ANP32B: variants seen among roughly 807,000 people sequenced by gnomAD.
The protein encoded by ANP32B is acidic leucine-rich nuclear phosphoprotein 32 family member B.
In ANP32B, 6 loss-of-function variants were observed where a neutral mutation model predicts 32.2. The ratio of observed to expected loss-of-function variants is 0.19; its 90% CI spans 0.10 to 0.37. The LOEUF is 0.37. Ranked by LOEUF, ANP32B falls within the 10% of genes least tolerant of loss-of-function variation. The pLI, the probability that ANP32B is intolerant of heterozygous loss-of-function variation, is 1.00. For synonymous variants in ANP32B, 98 were observed against 105.8 expected (o/e 0.93, Z 0.45); for missense variants, 204 against 289.2 (o/e 0.71, Z 2.14).
intron 1 of ANP32B, among the ~76,000 whole-genome samples, 163 bp downstream of exon 1, chr9:97,983,772 G>C (rs1438021778): frequency 6.6e-6 from 1 of 151,650 alleles, no homozygotes; most frequent in African/African-American, 2.4e-5. Context: ...GGGAGCGAGC[G>C]CGCGAGGATT....
chr9:98,013,281 C>T (rs1828218871), intron 6 of ANP32B, among the ~76,000 whole-genome samples: 1 of 152,194 alleles, frequency 6.6e-6, no homozygotes, highest in Non-Finnish European at 1.5e-5. Flanking sequence ...CCCACCTCGG[C>T]CTCCCAAATT....
intron 4 of ANP32B, among the ~76,000 whole-genome samples, chr9:98,006,428 T>C (rs1007327251): frequency 1.3e-5 from 2 of 149,332 alleles, no homozygotes; most frequent in Non-Finnish European, 2.9e-5. Flanking sequence ...CACTGCGTAT[T>C]TGTCTCAGTC....
At chr9:98,006,762 G>A (rs749228806) in intron 4 of ANP32B, among the ~76,000 whole-genome samples, 5 of 152,154 alleles carry the variant, frequency 3.3e-5, no homozygotes, top group African/African-American at 4.8e-5. Flanking sequence ...AGAGGCCGAG[G>A]TAGATCACCT....
At chr9:97,987,858 C>T (rs2131580506) in intron 1 of ANP32B, among the ~76,000 whole-genome samples, 1 of 152,206 alleles carries the variant, frequency 6.6e-6, no homozygotes, top group South Asian at 2.1e-4. Context: ...GTTGTGTCTA[C>T]TGTGATGTAA....
chr9:97,983,535 AAG>A lies in ANP32B; in HGVS notation c.-18_-17del. On this transcript the variant is annotated 5_prime_UTR_variant, in exon 1 of 7. Coordinates refer to ENST00000339399, the MANE Select transcript of ANP32B (RefSeq NM_006401.3). Reference sequence around the variant, plus strand: ...CCCCCGCCGCGGAAAGTTAAGTTTGAAGAGGGGGGAAGAGGGGAACATGGACA... The same window carrying A: ...CCCCCGCCGCGGAAAGTTAAGTTTGAAGGGGGGAAGAGGGGAACATGGACA... 1 of 1,560,942 alleles carries A rather than the reference AAG, an allele frequency of 6.4e-7. No individual in the cohort carries two copies. The highest frequency in any genetic ancestry group is 8.7e-7 in the Non-Finnish European group (1 of 1,153,868).
In ANP32B at chr9:97,983,504, C is replaced by G. The variant is rs560762108; in HGVS notation, c.-52C>G. The G allele has an allele frequency of 8.2e-5, 123 of 1,494,208 alleles. No individual in the cohort carries two copies. Among genetic ancestry groups the G allele is most frequent in the Middle Eastern group, 2.2e-4 (1 of 4,556 alleles). 92.6% of individuals were successfully genotyped at this position (1,494,208 alleles called of 1,614,324 possible). On this transcript the variant is annotated 5_prime_UTR_variant, in exon 1 of 7. Transcript: ENST00000339399. ...TGCGCAAGCCGGGACGCCTCTCCCC[C>G]CTCCGCCCCCGCCGCGGAAAGTTAA...
intron 4 of ANP32B, among the ~76,000 whole-genome samples, chr9:98,008,620 A>G (rs763990531): frequency 7.2e-5 from 11 of 152,154 alleles, no homozygotes; most frequent in Non-Finnish European, 1.3e-4. Flanking sequence ...CCAATATCCT[A>G]TCTTTGTGAA....
intron 6 of ANP32B, among the ~76,000 whole-genome samples, chr9:98,015,162 T>C (rs949578847): frequency 2.0e-5 from 3 of 152,130 alleles, no homozygotes; most frequent in African/African-American, 7.2e-5. Context: ...CCTGGGTGAG[T>C]TGAGGTGCTG....
rs1554723938 is a variant in ANP32B, at chr9:97,994,609, C to CG, written c.55-22_55-21insG. On this transcript the variant is annotated intron_variant, in intron 1 of 6. Coordinates refer to ENST00000339399, the MANE Select transcript of ANP32B (RefSeq NM_006401.3). ...TTCAATGTGTTTTTGAGAGCTTATC[C>CG]TTTTTTCTTTGTCATCCACAGGTTC... 8.2e-6 allele frequency: 13 copies of CG among 1,584,938 alleles called. No individual in the cohort carries two copies. The South Asian group carries it at 1.5e-4, about 19-fold the overall frequency.
intron 3 of ANP32B, among the ~76,000 whole-genome samples, chr9:98,003,871 A>G (rs970560771): frequency 6.6e-6 from 1 of 152,164 alleles, no homozygotes; most frequent in Non-Finnish European, 1.5e-5. Context: ...AGCTATCCAG[A>G]TATATGTAGT....
chr9:97,995,789 G>A (rs765127158), intron 2 of ANP32B, among the ~76,000 whole-genome samples: 4 of 151,992 alleles, frequency 2.6e-5, no homozygotes, highest in Non-Finnish European at 5.9e-5. Context: ...TGGGCACGGT[G>A]GCACGCACCT....
chr9:97,985,992 T>G (rs1214362208), intron 1 of ANP32B, among the ~76,000 whole-genome samples: 1 of 152,212 alleles, frequency 6.6e-6, no homozygotes, highest in East Asian at 1.9e-4. Context: ...CGGCTAATTT[T>G]GTATTTTTAG....
chr9:97,985,299 C>T (rs752690866), intron 1 of ANP32B, among the ~76,000 whole-genome samples: 121 of 152,254 alleles, frequency 7.9e-4, no homozygotes, highest in Admixed American at 2.1e-3. Flanking sequence ...TCCTTGCTCT[C>T]TAGTCTTTGA....
intron 1 of ANP32B, among the ~76,000 whole-genome samples, chr9:97,991,223 C>T (rs959223855): frequency 5.9e-5 from 9 of 151,974 alleles, no homozygotes; most frequent in African/African-American, 2.2e-4. Context: ...TCAAGTGATC[C>T]TCCTGCATCA....
chr9:97,995,621 G>T (rs969564781), intron 2 of ANP32B, among the ~76,000 whole-genome samples: 8 of 151,986 alleles, frequency 5.3e-5, no homozygotes, highest in Admixed American at 2.6e-4. Flanking sequence ...GGTGGAGTGG[G>T]TTAAGTATAA....
In ANP32B at chr9:97,983,708, G is replaced by A. The variant is rs1418117652; in HGVS notation, c.54+99G>A. The A allele has an allele frequency of 8.7e-5, 87 of 1,004,988 alleles. 1 individual carries two copies. Among genetic ancestry groups the A allele is most frequent in the Non-Finnish European group, 1.4e-5 (10 of 710,152 alleles). The allele number at this position is 1,004,988 out of a possible 1,614,324, so 62.3% of individuals were successfully genotyped here. On this transcript the variant is annotated intron_variant, in intron 1 of 6. Coordinates refer to ENST00000339399, the MANE Select transcript of ANP32B (RefSeq NM_006401.3). ...GCTGAGGGTTCGCCGGCCCCGGCGC[G>A]GGGAAGAGCGCAGCTCGTGGGCTCG... is the stretch of plus-strand genomic sequence containing the variant.
chr9:98,002,579 C>G (rs1325562225), intron 3 of ANP32B, among the ~76,000 whole-genome samples: 1 of 152,108 alleles, frequency 6.6e-6, no homozygotes, highest in Admixed American at 6.5e-5. Flanking sequence ...TTACTACTTT[C>G]AGCAGTTCCA....
At chr9:97,997,860 T>G (rs1423071610) in intron 2 of ANP32B, among the ~76,000 whole-genome samples, 1 of 152,226 alleles carries the variant, frequency 6.6e-6, no homozygotes, top group African/African-American at 2.4e-5. Flanking sequence ...GAAGGCTCAT[T>G]CCCTCATTGG....
At position 98,011,338 on chromosome 9, in the gene ANP32B, TGAA is replaced by T; in HGVS notation, c.588_590del (p.Glu196del). 10 of 1,550,178 alleles carry T rather than the reference TGAA, an allele frequency of 6.5e-6. No individual in the cohort carries two copies. Among genetic ancestry groups the T allele is most frequent in the Non-Finnish European group, 8.8e-6 (10 of 1,142,116 alleles). ...AAGAGGAGTTTGATGAAGAAGATGA[TGAA>T]GATGAAGATGTAGAAGGGGATGAGG... On this transcript the variant is annotated inframe_deletion, in exon 5 of 7. Coordinates refer to ENST00000339399, the MANE Select transcript of ANP32B (RefSeq NM_006401.3).
Sources: allele counts gnomAD v4.1 joint callset (sites outside exome capture counted in the v4.1 genomes callset), GRCh38; gene constraint gnomAD v4.1.1; transcripts MANE v1.5; gene names NCBI Gene and HGNC (gene_info 2026-07-23, HGNC 2026-07-21).